OR3A2: variants seen among roughly 807,000 people sequenced by gnomAD.
OR3A2 encodes olfactory receptor family 3 subfamily A member 2.
For synonymous variants in OR3A2, 126 were observed against 159.3 expected (o/e 0.79, Z 1.57); for missense variants, 318 against 392.8 (o/e 0.81, Z 1.61).
chr17:3,301,395 G>C (rs2048964702), intron 3 of OR3A2, among the ~76,000 whole-genome samples: 2 of 152,106 alleles, frequency 1.3e-5, no homozygotes, highest in African/African-American at 4.8e-5. Context: ...TAACTGGTGT[G>C]AGATGGTATC....
At chr17:3,326,343 C>G (rs982237109) in intron 3 of OR3A2, among the ~76,000 whole-genome samples, 10 of 151,996 alleles carry the variant, frequency 6.6e-5, no homozygotes, top group Non-Finnish European at 1.5e-4. Flanking sequence ...AAACCCCAAA[C>G]TATAAAAACC....
intron 2 of OR3A2, among the ~76,000 whole-genome samples, chr17:3,378,604 C>A (rs1597366137): frequency 6.6e-6 from 1 of 152,074 alleles, no homozygotes; most frequent in South Asian, 2.1e-4. Flanking sequence ...CAGCCCCTGC[C>A]AGCTCCACCG....
intron 3 of OR3A2, among the ~76,000 whole-genome samples, chr17:3,323,454 G>A (rs529181654): frequency 6.6e-6 from 1 of 152,088 alleles, no homozygotes; most frequent in South Asian, 2.1e-4. Context: ...TCCTAACCTC[G>A]ATGGTCTTTA....
intron 2 of OR3A2, among the ~76,000 whole-genome samples, chr17:3,340,981 A>G (rs1344772704): frequency 2.0e-5 from 3 of 152,084 alleles, no homozygotes; most frequent in Non-Finnish European, 4.4e-5. Flanking sequence ...TAGGATAGTT[A>G]GCTCTTCTTG....
intron 2 of OR3A2, among the ~76,000 whole-genome samples, chr17:3,347,000 G>A (rs1249837192): frequency 6.6e-6 from 1 of 152,124 alleles, no homozygotes; most frequent in Non-Finnish European, 1.5e-5. Context: ...CAACGAACAT[G>A]GGAGAGCAGA....
chr17:3,367,601 G>GTA lies in OR3A2; in HGVS notation c.-179+16201_-179+16202dup, dbSNP rs553464584. ...TGTATATGTATATGTGTGTGTGTGT[G>GTA]TATATATATATATATATATATGCCA... On this transcript the variant is annotated intron_variant, in intron 2 of 4. Coordinates refer to the OR3A2 transcript ENST00000573491. Among the ~76,000 whole-genome samples the GTA allele has an allele frequency of 6.6e-3, 812 of 122,486 alleles. 22 individuals are homozygous for GTA. Among genetic ancestry groups the GTA allele is most frequent in the African/African-American group, 7.8e-3 (220 of 28,064 alleles). The allele number at this position is 122,486 out of a possible 152,430, so 80.4% of individuals were successfully genotyped here.
At chr17:3,326,341 A>T (rs186088329) in intron 3 of OR3A2, among the ~76,000 whole-genome samples, 1 of 152,016 alleles carries the variant, frequency 6.6e-6, no homozygotes, top group Non-Finnish European at 1.5e-5. Context: ...TAAAACCCCA[A>T]ACTATAAAAA....
chr17:3,360,225 C>A (rs886553461), intron 2 of OR3A2, among the ~76,000 whole-genome samples: 28 of 150,980 alleles, frequency 1.9e-4, no homozygotes, highest in Admixed American at 7.2e-4. Flanking sequence ...TCTTCTTTTG[C>A]GAAGTGTCTG....
chr17:3,291,592 C>T, intron 3 of OR3A2: 1 of 1,478,070 alleles, frequency 6.8e-7, no homozygotes, highest in Non-Finnish European at 9.1e-7. Flanking sequence ...AAGACTTTTC[C>T]TTTAGTACAA....
chr17:3,304,296 A>G (rs2150627790), intron 3 of OR3A2, among the ~76,000 whole-genome samples: 1 of 152,298 alleles, frequency 6.6e-6, no homozygotes, highest in East Asian at 1.9e-4. Context: ...ACCCACCTGC[A>G]GGACTCTGGA....
At chr17:3,323,722 G>T (rs1336041047) in intron 3 of OR3A2, among the ~76,000 whole-genome samples, 2 of 152,108 alleles carry the variant, frequency 1.3e-5, no homozygotes, top group South Asian at 4.1e-4. Context: ...TCTGCTGAGA[G>T]ATCAGCTGTT....
chr17:3,346,018 G>A (rs2049361422), intron 2 of OR3A2, among the ~76,000 whole-genome samples: 3 of 152,084 alleles, frequency 2.0e-5, no homozygotes, highest in Non-Finnish European at 4.4e-5. Flanking sequence ...TCTAACAGCA[G>A]GCTAGGTGTT....
At chr17:3,353,051 T>A (rs918234336) in intron 2 of OR3A2, among the ~76,000 whole-genome samples, 1 of 151,808 alleles carries the variant, frequency 6.6e-6, no homozygotes, top group Non-Finnish European at 1.5e-5. Flanking sequence ...ACTGTTAGCA[T>A]ATAGATATGC....
At chr17:3,357,829 A>C (rs2049475887) in intron 2 of OR3A2, among the ~76,000 whole-genome samples, 1 of 151,338 alleles carries the variant, frequency 6.6e-6, no homozygotes, top group Non-Finnish European at 1.5e-5. Context: ...GCTGGGATTA[A>C]AGATGTGAGC....
intron 1 of OR3A2, 27 bp from the exon 4 acceptor site, chr17:3,279,180 A>G (rs1221548040): frequency 1.7e-6 from 1 of 591,898 alleles, no homozygotes. Flanking sequence ...ACTATAGTTA[A>G]TAAAGTGTAT....
At chr17:3,340,727 G>T (rs1213332228) in intron 2 of OR3A2, among the ~76,000 whole-genome samples, 1 of 112,164 alleles carries the variant, frequency 8.9e-6, no homozygotes, top group Non-Finnish European at 1.8e-5. Context: ...GTGCTGAGAA[G>T]AATGTATATT....
At chr17:3,323,407 C>T (rs2049142592) in intron 3 of OR3A2, among the ~76,000 whole-genome samples, 1 of 152,130 alleles carries the variant, frequency 6.6e-6, no homozygotes, top group African/African-American at 2.4e-5. Flanking sequence ...ATTATGATGT[C>T]AGCTGGCTAT....
chr17:3,349,094 C>T (rs1017534801), intron 2 of OR3A2, among the ~76,000 whole-genome samples: 7 of 152,082 alleles, frequency 4.6e-5, no homozygotes, highest in African/African-American at 1.7e-4. Flanking sequence ...AATGTAAAGA[C>T]CATTGAGACT....
At chr17:3,380,086 T>C (rs867305565) in intron 2 of OR3A2, among the ~76,000 whole-genome samples, 3 of 152,218 alleles carry the variant, frequency 2.0e-5, no homozygotes, top group South Asian at 2.1e-4. Flanking sequence ...CTCCTGCCTT[T>C]GGCTGCTGAG....
Sources: allele counts gnomAD v4.1 joint callset (sites outside exome capture counted in the v4.1 genomes callset), GRCh38; gene constraint gnomAD v4.1.1; transcripts MANE v1.5; gene names NCBI Gene and HGNC (gene_info 2026-07-23, HGNC 2026-07-21).